STARD13: variants seen among roughly 807,000 people sequenced by gnomAD.
STARD13 encodes the protein StAR related lipid transfer domain containing 13, also known as stAR-related lipid transfer protein 13.
A neutral mutation model predicts 106.4 loss-of-function variants in STARD13; 62 were observed. The observed-to-expected ratio is 0.58, with a 90% confidence interval of 0.48 to 0.72. STARD13 has a LOEUF of 0.72. Among genes scored for constraint, STARD13 ranks in the 30% least tolerant of loss-of-function variants. STARD13 has a pLI of 0.00. For synonymous variants in STARD13, 565 were observed against 553.0 expected (o/e 1.02, Z -0.31); for missense variants, 1,387 against 1,424.0 (o/e 0.97, Z 0.42).
the STARD13 span, among the ~76,000 whole-genome samples, chr13:33,471,288 T>C: frequency 2.6e-5 from 4 of 152,082 alleles, no homozygotes; most frequent in African/African-American, 7.2e-5. Flanking sequence ...ACATAGAGAG[T>C]AGCAGAGAGA....
chr13:33,573,522 C>T, the STARD13 span, among the ~76,000 whole-genome samples: 1 of 152,122 alleles, frequency 6.6e-6, no homozygotes, highest in Non-Finnish European at 1.5e-5. Context: ...AATTACATGG[C>T]TCAAAAGCTT....
the STARD13 span, among the ~76,000 whole-genome samples, chr13:33,398,476 A>G: frequency 2.6e-5 from 4 of 152,328 alleles, no homozygotes; most frequent in African/African-American, 4.8e-5. Context: ...ATCAAAATGG[A>G]ATTATTCTAT....
intron 1 of STARD13, among the ~76,000 whole-genome samples, chr13:33,312,413 A>G (rs1378690824): frequency 6.6e-6 from 1 of 152,078 alleles, no homozygotes; most frequent in Non-Finnish European, 1.5e-5. Flanking sequence ...ATCTAGAGAA[A>G]CTAACCCATG....
intron 1 of STARD13, among the ~76,000 whole-genome samples, chr13:33,177,251 A>C (rs1224634462): frequency 1.3e-5 from 2 of 152,354 alleles, no homozygotes; most frequent in East Asian, 3.9e-4. Context: ...AATAGATTTG[A>C]ATAAGAGATA....
chr13:33,143,604 G>A (rs2138240807), intron 3 of STARD13, among the ~76,000 whole-genome samples: 1 of 152,304 alleles, frequency 6.6e-6, no homozygotes, highest in East Asian at 1.9e-4. Context: ...TCAGGCTGGA[G>A]TGCAGTTTCG....
chr13:33,570,962 T>A, the STARD13 span, among the ~76,000 whole-genome samples: 328 of 152,306 alleles, frequency 2.2e-3, 1 homozygote, highest in African/African-American at 7.5e-3. Context: ...ATGAATATTA[T>A]CCTCAACTAC....
Position 33,127,358 on chromosome 13 carries a change from G to T in STARD13, c.1922+15C>A. 1 of 1,554,712 alleles carries T rather than the reference G, an allele frequency of 6.4e-7. No homozygotes were observed. The highest frequency in any genetic ancestry group is 8.7e-7 in the Non-Finnish European group (1 of 1,151,956). On this transcript the variant is annotated intron_variant, in intron 6 of 13. Transcript: ENST00000336934. ...TAGAGCCAAGGATCCCCTCCTAGGT[G>T]AATGTGCTACGCACCATGTCCAGCC...
chr13:33,532,711 C>A, the STARD13 span, among the ~76,000 whole-genome samples: 1 of 152,098 alleles, frequency 6.6e-6, no homozygotes, highest in Non-Finnish European at 1.5e-5. Flanking sequence ...AAATTTATGT[C>A]ATTTGGGTAT....
At chr13:33,311,750 G>C (rs749550696) in intron 1 of STARD13, among the ~76,000 whole-genome samples, 8 of 152,330 alleles carry the variant, frequency 5.3e-5, no homozygotes, top group African/African-American at 1.7e-4. Flanking sequence ...AAGCACAAAG[G>C]CTGAGACATT....
chr13:33,163,471 T>C (rs1350695882), intron 3 of STARD13, among the ~76,000 whole-genome samples: 1 of 150,742 alleles, frequency 6.6e-6, no homozygotes, highest in Non-Finnish European at 1.5e-5. Flanking sequence ...ATGCCTGTAG[T>C]CCCAGCTACT....
chr13:33,545,513 G>C, the STARD13 span, among the ~76,000 whole-genome samples: 34 of 152,342 alleles, frequency 2.2e-4, 1 homozygote, highest in South Asian at 6.6e-3. Flanking sequence ...TATACCTGCT[G>C]TATTTTGGGA....
intron 1 of STARD13, among the ~76,000 whole-genome samples, chr13:33,304,691 A>C (rs1892841508): frequency 6.6e-6 from 1 of 152,182 alleles, no homozygotes; most frequent in African/African-American, 2.4e-5. Flanking sequence ...GATACATTTT[A>C]TTTACAAGTA....
chr13:33,542,214 C>G, the STARD13 span, among the ~76,000 whole-genome samples: 1 of 152,138 alleles, frequency 6.6e-6, no homozygotes, highest in Non-Finnish European at 1.5e-5. Context: ...AGAATAAACA[C>G]TGAAAGATGA....
chr13:33,467,179 C>T, the STARD13 span, among the ~76,000 whole-genome samples: 1 of 151,878 alleles, frequency 6.6e-6, no homozygotes, highest in South Asian at 2.1e-4. Flanking sequence ...AATTATACAG[C>T]TCACCATAAT....
chr13:33,295,324 G>A (rs1242282600), intron 1 of STARD13, among the ~76,000 whole-genome samples: 1 of 152,156 alleles, frequency 6.6e-6, no homozygotes, highest in Non-Finnish European at 1.5e-5. Context: ...CTAGATTTAG[G>A]TGTCATGTAG....
chr13:33,511,967 T>C, the STARD13 span, among the ~76,000 whole-genome samples: 1 of 152,188 alleles, frequency 6.6e-6, no homozygotes. Flanking sequence ...GGCCATTAAT[T>C]AAAGCTCAGA....
the STARD13 span, among the ~76,000 whole-genome samples, chr13:33,480,326 A>C: frequency 2.6e-5 from 4 of 152,208 alleles, no homozygotes; most frequent in Non-Finnish European, 5.9e-5. Flanking sequence ...TAAATTTTTA[A>C]AAATCCATAA....
At chr13:33,524,262 T>G in the STARD13 span, 1 of 1,276,776 alleles carries the variant, frequency 7.8e-7, no homozygotes, top group Non-Finnish European at 1.0e-6. Context: ...GAGTTCCAGT[T>G]GACATTTGGC....
rs1445491871 is a variant in STARD13 at position 33,111,850 on chromosome 13, C to T, written c.2535G>A (p.Lys845=). 1.2e-6 allele frequency: 2 copies of T among 1,613,976 alleles called. No homozygotes were observed. The highest frequency in any genetic ancestry group is 3.3e-5 in the Admixed American group (2 of 60,000). ...KKYATGKPDQ[K]DLNENLAAAQ... is the part of the protein sequence containing the mutation. The stretch of plus-strand genomic sequence containing the variant: ...CTGCTGCCAGATTCTCGTTGAGGTC[C>T]TTTTGATCTGGCTTCCCAGTGGCAT... The change falls in exon 10 of 14, where the codon AAG becomes AAA. Residue 845 remains lysine, a synonymous_variant. Transcript: ENST00000336934.
Sources: allele counts gnomAD v4.1 joint callset (sites outside exome capture counted in the v4.1 genomes callset), GRCh38; gene constraint gnomAD v4.1.1; transcripts MANE v1.5; gene names NCBI Gene and HGNC (gene_info 2026-07-23, HGNC 2026-07-21).